SELP: variants seen among roughly 807,000 people sequenced by gnomAD.
SELP encodes the protein selectin P.
In SELP, 92 loss-of-function variants were observed where a neutral mutation model predicts 104.1. The observed-to-expected ratio is 0.88, with a 90% CI of 0.75 to 1.05. SELP has a LOEUF of 1.05. SELP is among the 50% of genes least tolerant of loss of function. The pLI, the probability that SELP is intolerant of heterozygous loss-of-function variation, is 0.00. For missense variants in SELP, 1,022 were observed against 1,017.3 expected (o/e 1.00, Z -0.06); for synonymous variants, 397 against 364.5 (o/e 1.09, Z -1.01).
intron 3 of SELP, 125 bp downstream of exon 3, chr1:169,616,903 T>G (rs1662840050): frequency 1.9e-6 from 2 of 1,035,798 alleles, no homozygotes; most frequent in Non-Finnish European, 2.8e-6. Context: ...TGACTAACAA[T>G]TTACCCCTTG....
At chr1:169,628,374 A>G (rs142705812) in intron 1 of SELP, among the ~76,000 whole-genome samples, 2 of 152,246 alleles carry the variant, frequency 1.3e-5, no homozygotes, top group Non-Finnish European at 2.9e-5. Context: ...AAATTTACAC[A>G]GGCAGTTTGA....
At chr1:169,622,105 C>G (rs1240960857) in intron 1 of SELP, among the ~76,000 whole-genome samples, 1 of 152,238 alleles carries the variant, frequency 6.6e-6, no homozygotes, top group African/African-American at 2.4e-5. Flanking sequence ...ATACCTTTTA[C>G]TAATTTCTTA....
At chr1:169,612,166 G>A in intron 6 of SELP, 51 bp downstream of exon 6, 1 of 1,572,156 alleles carries the variant, frequency 6.4e-7, no homozygotes, top group Non-Finnish European at 8.7e-7. Context: ...TATGCACTAA[G>A]TAAGGACTGG....
chr1:169,625,116 C>T (rs569678219), intron 1 of SELP, among the ~76,000 whole-genome samples: 7 of 152,224 alleles, frequency 4.6e-5, no homozygotes, highest in African/African-American at 1.7e-4. Context: ...GCCCACTGCC[C>T]GACCATCCTA....
At chr1:169,611,403 G>C in intron 7 of SELP, 89 bp downstream of exon 7, 1 of 1,331,454 alleles carries the variant, frequency 7.5e-7, no homozygotes, top group Non-Finnish European at 1.0e-6. Context: ...ACTTAGAAGA[G>C]ATCACCCCGA....
chr1:169,595,012 A>G, intron 12 of SELP, 135 bp from the exon 13 acceptor site: 1 of 683,688 alleles, frequency 1.5e-6, no homozygotes, highest in African/African-American at 1.8e-5. Context: ...AGCCACTTCC[A>G]ATATTCACAG....
At chr1:169,613,467 G>T in intron 4 of SELP, 119 bp downstream of exon 4, 1 of 748,426 alleles carries the variant, frequency 1.3e-6, no homozygotes, top group Non-Finnish European at 2.3e-6. Context: ...GGAGACAGAT[G>T]ATAGAGGGGG....
At position 169,619,196 on chromosome 1, in the gene SELP, C is replaced by A. The variant is rs752335881; in HGVS notation, c.27G>T (p.Leu9Phe). 8.7e-6 allele frequency: 14 copies of A among 1,613,884 alleles called. No individual in the cohort carries two copies. Among genetic ancestry groups the A allele is most frequent in the Middle Eastern group, 1.6e-4 (1 of 6,082 alleles). Residue 9 changes from leucine to phenylalanine, a missense_variant, in exon 2 of 17, where the codon TTG becomes TTT. Coordinates refer to ENST00000263686, the MANE Select transcript of SELP (RefSeq NM_003005.4). Reference sequence around the variant, plus strand: ...AGACCACTCTCTGGAATCTCTGGTACAAGATGGCTATTTGGCAGTTGGCCT... The same window carrying A: ...AGACCACTCTCTGGAATCTCTGGTAAAAGATGGCTATTTGGCAGTTGGCCT... The part of the protein sequence containing the change: MANCQIAI[L>F]YQRFQRVVFG...
chr1:169,620,301 T>TG (rs1221049888), intron 1 of SELP, among the ~76,000 whole-genome samples: 2 of 151,980 alleles, frequency 1.3e-5, no homozygotes, highest in African/African-American at 4.8e-5. Flanking sequence ...TACTGAAGCT[T>TG]GGGGCATCTA....
intron 5 of SELP, among the ~76,000 whole-genome samples, 195 bp downstream of exon 5, chr1:169,612,734 C>T (rs1016292250): frequency 6.6e-6 from 1 of 152,150 alleles, no homozygotes; most frequent in Non-Finnish European, 1.5e-5. Context: ...GACTAAGTCA[C>T]TCTACCCATA....
Position 169,593,733 on chromosome 1 carries a change from C to G in SELP, c.2288-9G>C. Reference sequence around the variant, plus strand: ...GATAGTCAATGGTCCTGCTACAAAACAAACACACACACATGCAAGACATAA... The same window carrying G: ...GATAGTCAATGGTCCTGCTACAAAAGAAACACACACACATGCAAGACATAA... On this transcript the variant is annotated splice_polypyrimidine_tract_variant and intron_variant, in intron 13 of 16. Transcript: ENST00000263686. The G allele has an allele frequency of 6.2e-7, 1 of 1,613,056 alleles. No individual in the cohort carries two copies. The highest frequency in any genetic ancestry group is 8.5e-7 in the Non-Finnish European group (1 of 1,179,364).
chr1:169,619,146 A>G lies in SELP; in HGVS notation c.77T>C (p.Phe26Ser), dbSNP rs901000672. 46 of 1,613,700 alleles carry G rather than the reference A, an allele frequency of 2.9e-5. No homozygotes were observed. Among genetic ancestry groups the G allele is most frequent in the Non-Finnish European group, 3.6e-5 (43 of 1,179,706 alleles). ...AAGTTTACCAGAGATCAGGGCACTGAAGCAAAGGAGTTGGGAAATTCCAAA... is the reference window on the plus strand; with the variant it reads ...AAGTTTACCAGAGATCAGGGCACTGGAGCAAAGGAGTTGGGAAATTCCAAA... ...VVFGISQLLC[F>S]SALISELTNQ... The change falls in exon 2 of 17, where the codon TTC (phenylalanine) becomes TCC (serine). Residue 26 changes from phenylalanine to serine, a missense_variant. Phe to Ser is a radical substitution (Grantham distance 155). Transcript: ENST00000263686.
intron 1 of SELP, among the ~76,000 whole-genome samples, chr1:169,623,556 C>T (rs1452811602): frequency 1.3e-5 from 2 of 152,046 alleles, no homozygotes; most frequent in South Asian, 2.1e-4. Flanking sequence ...TGAGAGAGAG[C>T]GAGACAACTT....
Position 169,611,375 on chromosome 1 carries a change from G to A in SELP, c.1147+117C>T, listed in dbSNP as rs931750296. ...AACCATGGTTCCTGGAGGTTGAAGAGCTTGCTCTAGTGCAAGAACTTAGAA... is the reference window on the plus strand; with the variant it reads ...AACCATGGTTCCTGGAGGTTGAAGAACTTGCTCTAGTGCAAGAACTTAGAA... On this transcript the variant is annotated intron_variant, in intron 7 of 16. Transcript: ENST00000263686. 8.0e-6 allele frequency: 8 copies of A among 997,604 alleles called. No homozygotes were observed. The African/African-American group carries it at 1.3e-4, about 16-fold the overall frequency. The allele number at this position is 997,604 out of a possible 1,614,324, so 61.8% of individuals were successfully genotyped here.
intron 8 of SELP, 121 bp downstream of exon 8, chr1:169,609,383 A>C: frequency 1.1e-6 from 1 of 937,906 alleles, no homozygotes; most frequent in Non-Finnish European, 1.6e-6. Flanking sequence ...CACAAAGGAC[A>C]TGGCCCATAG....
At chr1:169,612,892 T>G (rs141161996) in intron 5 of SELP, 37 bp downstream of exon 5, 23,748 of 1,508,372 alleles carry the variant, frequency 0.016, 219 homozygotes, top group Non-Finnish European at 0.019. Flanking sequence ...CCCAAAATTC[T>G]ATGTCAGTGA....
intron 8 of SELP, 61 bp from the exon 9 acceptor site, chr1:169,607,195 G>T: frequency 7.4e-7 from 1 of 1,360,030 alleles, no homozygotes. Context: ...ATTGATTTTT[G>T]ACCATTAACT....
In SELP at chr1:169,595,926, T is replaced by A; in HGVS notation, c.2100A>T (p.Arg700Ser). The A allele has an allele frequency of 6.2e-7, 1 of 1,613,230 alleles. No homozygotes were observed. Among genetic ancestry groups the A allele is most frequent in the Non-Finnish European group, 8.5e-7 (1 of 1,179,616 alleles). The stretch of plus-strand genomic sequence containing the variant: ...ACTGCCTGCTCCTTTTCACCTTACC[T>A]CTGCATGCTGGAGTTACTGCTGTCC... ...GQWTAVTPAC[R>S]AVKCSELHVN... is the part of the protein sequence containing the mutation. The change falls in exon 12 of 17, where the codon AGA (arginine) becomes AGT (serine). Residue 700 changes from arginine to serine, a missense_variant and splice_region_variant. By Grantham distance (110) the Arg-to-Ser change is moderately radical. Transcript: ENST00000263686.
chr1:169,595,866 G>A, intron 12 of SELP, 59 bp downstream of exon 12: 1 of 1,493,824 alleles, frequency 6.7e-7, no homozygotes, highest in Non-Finnish European at 9.3e-7. Flanking sequence ...AGGCACAATG[G>A]CTAGCTTGAG....
Sources: allele counts gnomAD v4.1 joint callset (sites outside exome capture counted in the v4.1 genomes callset), GRCh38; gene constraint gnomAD v4.1.1; transcripts MANE v1.5; gene names NCBI Gene and HGNC (gene_info 2026-07-23, HGNC 2026-07-21).